Variants in POLI observed in about 807,000 individuals in gnomAD.
POLI encodes the protein RAD30 homolog B.
Under a neutral mutation model 51.6 loss-of-function variants are expected in POLI, and 58 were observed. The observed-to-expected ratio is 1.12, with a 90% CI of 0.91 to 1.40. The LOEUF (loss-of-function observed/expected upper bound fraction) is 1.40, where lower values mean the gene tolerates loss of function less well. POLI is among the 40% of genes most tolerant of loss of function. POLI has a pLI of 0.00. For missense variants in POLI, 921 were observed against 871.3 expected (o/e 1.06, Z -0.72); for synonymous variants, 322 against 299.7 (o/e 1.07, Z -0.77).
chr18:54,274,044 T>C lies in POLI; in HGVS notation c.360T>C (p.Asn120=). 6.4e-7 allele frequency: 1 copy of C among 1,555,352 alleles called. No individual in the cohort carries two copies. The highest frequency in any genetic ancestry group is 8.7e-7 in the Non-Finnish European group (1 of 1,148,944). The change falls in exon 3 of 10, where the codon AAT becomes AAC. Residue 120 remains asparagine (N), a synonymous_variant. Transcript: ENST00000579534. ...AGTGTCCACAGTTGGTATTAGTTAA[T>C]GGAGAAGACCTGACCCGCTACAGAG... is the stretch of plus-strand genomic sequence containing the variant. ...KEKCPQLVLV[N]GEDLTRYREM... is the part of the protein sequence containing the mutation.
rs146652056 is a variant in POLI, at chr18:54,277,798, C to G, written c.502C>G (p.Leu168Val). 5.6e-6 allele frequency: 9 copies of G among 1,612,852 alleles called. No homozygotes were observed. Among genetic ancestry groups the G allele is most frequent in the Non-Finnish European group, 7.6e-6 (9 of 1,179,126 alleles). Residue 168 changes from leucine to valine, a missense_variant, in exon 4 of 10, where the codon CTG (leucine) becomes GTG (valine). Physicochemically the swap from Leu to Val is conservative, Grantham distance 32. Coordinates refer to ENST00000579534, the MANE Select transcript of POLI (RefSeq NM_007195.3). ...TEMVEKRLQQLQSDELSAVTV... is the reference protein window; with the variant it reads ...TEMVEKRLQQVQSDELSAVTV... ...AATGGTTGAGAAGAGACTACAGCAGCTGCAAAGTGATGAACTTTCTGCGGT... is the reference window on the plus strand; with the variant it reads ...AATGGTTGAGAAGAGACTACAGCAGGTGCAAAGTGATGAACTTTCTGCGGT...
chr18:54,276,278 T>C (rs762222362), intron 3 of POLI, among the ~76,000 whole-genome samples: 2 of 151,992 alleles, frequency 1.3e-5, no homozygotes, highest in Non-Finnish European at 2.9e-5. Context: ...GGAGGATTGC[T>C]TGGGCCCAGG....
At chr18:54,270,132 T>A in intron 1 of POLI, 1 of 670,642 alleles carries the variant, frequency 1.5e-6, no homozygotes, top group South Asian at 6.5e-5. Context: ...CTTCCAGCTC[T>A]GGTCTTTACC....
chr18:54,278,152 T>G (rs1030494075), intron 4 of POLI, among the ~76,000 whole-genome samples: 2 of 152,158 alleles, frequency 1.3e-5, no homozygotes, highest in African/African-American at 2.4e-5. Flanking sequence ...ACACAGTGCA[T>G]TGGTTCCCAT....
At chr18:54,318,907 T>C (rs375206089) in intron 3 of POLI, among the ~76,000 whole-genome samples, 2 of 152,338 alleles carry the variant, frequency 1.3e-5, no homozygotes, top group Non-Finnish European at 1.5e-5. Flanking sequence ...TTTTTTACTA[T>C]AGATACTGGA....
Position 54,294,581 on chromosome 18 carries a change from GT to G in POLI, c.*116del. The G allele has an allele frequency of 7.5e-7, 1 of 1,338,074 alleles. No individual in the cohort carries two copies. Among genetic ancestry groups the G allele is most frequent in the South Asian group, 2.4e-5 (1 of 42,366 alleles). The allele number at this position is 1,338,074 out of a possible 1,614,324, so 82.9% of individuals were successfully genotyped here. A position where few individuals can be genotyped will look rare whatever the true frequency, so the allele number is the denominator to read the frequency against. On this transcript the variant is annotated 3_prime_UTR_variant, in exon 10 of 10. Coordinates refer to ENST00000579534, the MANE Select transcript of POLI (RefSeq NM_007195.3). ...TAGATATTCAATAACGGAGTAAACTGTTCCAGATAAAGCAAGAATAGTTGCA... is the reference window on the plus strand; with the variant it reads ...TAGATATTCAATAACGGAGTAAACTGTCCAGATAAAGCAAGAATAGTTGCA...
intron 3 of POLI, among the ~76,000 whole-genome samples, chr18:54,318,681 G>C (rs2088762398): frequency 6.6e-6 from 1 of 151,932 alleles, no homozygotes; most frequent in African/African-American, 2.4e-5. Context: ...AACATAATTT[G>C]TCAAAATATA....
chr18:54,270,014 G>C (rs969327798), intron 1 of POLI: 2 of 1,028,876 alleles, frequency 1.9e-6, no homozygotes, highest in Non-Finnish European at 2.3e-6. Flanking sequence ...TGAGGACCTT[G>C]TCGCTCATTT....
Position 54,282,891 on chromosome 18 carries a change from G to A in POLI, c.851G>A (p.Arg284His), listed in dbSNP as rs201346546. Residue 284 changes from arginine (R) to histidine (H), a missense_variant, in exon 6 of 10, where the codon CGT (arginine) becomes CAT (histidine). Transcript: ENST00000579534. ...CLEALGINSV[R>H]DLQTFSPKIL... ...GAAGCACTGGGTATCAATAGTGTGC[G>A]TGATCTCCAAACCTTTTCACCCAAA... The A allele has an allele frequency of 1.1e-4, 182 of 1,583,554 alleles. 1 individual carries two copies. The highest frequency in any genetic ancestry group is 3.5e-5 in the Non-Finnish European group (41 of 1,163,148).
At chr18:54,270,053 C>T (rs1275581599) in intron 1 of POLI, 3 of 999,548 alleles carry the variant, frequency 3.0e-6, no homozygotes, top group African/African-American at 3.5e-5. Context: ...GATCTCAGTC[C>T]TGGCAGGAAG....
At chr18:54,310,582 A>G (rs1016860535) in intron 3 of POLI, among the ~76,000 whole-genome samples, 1 of 151,792 alleles carries the variant, frequency 6.6e-6, no homozygotes, top group East Asian at 1.9e-4. Context: ...AGAGTGTTAC[A>G]CTTTTGATAC....
rs2088343357 is a variant in POLI at position 54,296,630 on chromosome 18, C to G, written c.*2163C>G. The stretch of plus-strand genomic sequence containing the variant: ...TGATAGACTTTCTTACTGTATCCTT[C>G]ATGTCTCTTAATTTCTCATATTTTT... On this transcript the variant is annotated 3_prime_UTR_variant, in exon 10 of 10. Transcript: ENST00000579534. The G allele has an allele frequency of 6.2e-6, 1 of 160,164 alleles. No individual in the cohort carries two copies. The highest frequency in any genetic ancestry group is 6.5e-5 in the Admixed American group (1 of 15,278). 9.9% of individuals were successfully genotyped at this position (160,164 alleles called of 1,614,324 possible). A position where few individuals can be genotyped will look rare whatever the true frequency, so the allele number is the denominator to read the frequency against.
chr18:54,304,106 C>T (rs2088539299), intron 3 of POLI, among the ~76,000 whole-genome samples: 1 of 152,156 alleles, frequency 6.6e-6, no homozygotes, highest in South Asian at 2.1e-4. Context: ...CTTTTTATGG[C>T]TGCATAGTAT....
At chr18:54,278,827 G>T (rs867223033) in intron 4 of POLI, among the ~76,000 whole-genome samples, 2 of 152,174 alleles carry the variant, frequency 1.3e-5, no homozygotes, top group African/African-American at 4.8e-5. Flanking sequence ...CTCTGCTGTT[G>T]TGTAAGACTT....
chr18:54,270,776 A>C (rs775032052), intron 1 of POLI: 2 of 152,170 alleles, frequency 1.3e-5, no homozygotes, highest in Non-Finnish European at 2.9e-5. Flanking sequence ...AGAACTATTC[A>C]GTCTTTCAAT....
downstream of POLI, among the ~76,000 whole-genome samples, chr18:54,302,176 A>G (rs2088503717): frequency 6.6e-6 from 1 of 152,174 alleles, no homozygotes; most frequent in Non-Finnish European, 1.5e-5. Flanking sequence ...ATCAAATATG[A>G]TGATTAAAAT....
In POLI at chr18:54,316,740, A is replaced by G. The variant is rs1028488594; in HGVS notation, c.334-3533A>G. On this transcript the variant is annotated intron_variant, in intron 3 of 4. Transcript: ENST00000579823. ...AACTGCTTTAAGAAGTTCTTATGAAATATTTGGTAAAAGGAAAAAAAAGCT... is the reference window on the plus strand; with the variant it reads ...AACTGCTTTAAGAAGTTCTTATGAAGTATTTGGTAAAAGGAAAAAAAAGCT... 7.2e-5 allele frequency among the ~76,000 whole-genome samples: 11 copies of G among 152,172 alleles called. 1 individual carries two copies. The highest frequency in any genetic ancestry group is 1.0e-4 in the Non-Finnish European group (7 of 68,026).
At chr18:54,302,739 C>T (rs1260632132), downstream of POLI, among the ~76,000 whole-genome samples, 1 of 152,092 alleles carries the variant, frequency 6.6e-6, no homozygotes, top group African/African-American at 2.4e-5. Flanking sequence ...TTTTTGTACC[C>T]ATTAACTATC....
downstream of POLI, among the ~76,000 whole-genome samples, chr18:54,299,999 TA>T (rs34407740): frequency 1.9e-4 from 28 of 147,368 alleles, no homozygotes; most frequent in Middle Eastern, 3.4e-3. Context: ...TTAGATATCT[TA>T]AAAAAAAAAG....
Sources: allele counts gnomAD v4.1 joint callset (sites outside exome capture counted in the v4.1 genomes callset), GRCh38; gene constraint gnomAD v4.1.1; transcripts MANE v1.5; gene names NCBI Gene and HGNC (gene_info 2026-07-23, HGNC 2026-07-21).